HTR2C: variants seen among roughly 807,000 people sequenced by gnomAD.
The protein encoded by HTR2C is 5-hydroxytryptamine receptor 2C.
In HTR2C, 5 loss-of-function variants were observed where a neutral mutation model predicts 21.0. The observed-to-expected ratio is 0.24, with a 90% CI of 0.12 to 0.50. The LOEUF is 0.50. Among genes scored for constraint, HTR2C ranks in the 20% least tolerant of loss-of-function variants. The pLI is 0.98. For synonymous variants in HTR2C, 150 were observed against 145.3 expected, an observed-to-expected ratio of 1.03 and a Z score of -0.23; for missense variants, 271 against 371.2, an observed-to-expected ratio of 0.73 and a Z score of 2.22.
intron 2 of HTR2C, among the ~76,000 whole-genome samples, chrX:114,653,886 T>C (rs1410541348): frequency 3.6e-5 from 4 of 111,032 alleles, no homozygotes; most frequent in African/African-American, 1.3e-4. Flanking sequence ...ACATAGTGCA[T>C]ACTAAAATAA....
intron 4 of HTR2C, among the ~76,000 whole-genome samples, chrX:114,828,365 C>G (rs1198654695): frequency 2.7e-5 from 3 of 111,249 alleles, no homozygotes; most frequent in Non-Finnish European, 5.7e-5. Flanking sequence ...CCTTCCTTCA[C>G]TGAGCATGAT....
At chrX:114,698,975 C>T (rs58312746) in intron 2 of HTR2C, among the ~76,000 whole-genome samples, 2,876 of 111,311 alleles carry the variant, frequency 0.026, 100 homozygotes, top group African/African-American at 0.087. Context: ...GATAGTCACT[C>T]GACGGCAGCT....
chrX:114,757,421 A>G (rs1258580293), intron 4 of HTR2C, among the ~76,000 whole-genome samples: 1 of 111,950 alleles, frequency 8.9e-6, no homozygotes, highest in Non-Finnish European at 1.9e-5. Context: ...CAAAAACATA[A>G]TGAAACAAAC....
intron 1 of HTR2C, among the ~76,000 whole-genome samples, chrX:114,594,245 A>AT (rs2147789319): frequency 1.8e-5 from 2 of 111,510 alleles, no homozygotes; most frequent in South Asian, 7.4e-4. Context: ...TCTAATATAT[A>AT]AAAAAATGAA....
At chrX:114,831,186 G>A (rs1353563064) in intron 4 of HTR2C, among the ~76,000 whole-genome samples, 3 of 98,535 alleles carry the variant, frequency 3.0e-5, no homozygotes, top group African/African-American at 1.1e-4. Flanking sequence ...ATAGCAGCAT[G>A]ATTTAGAGTT....
intron 4 of HTR2C, among the ~76,000 whole-genome samples, chrX:114,841,858 C>T (rs1212932182): frequency 8.9e-6 from 1 of 112,420 alleles, no homozygotes; most frequent in African/African-American, 3.2e-5. Context: ...CATCTGGTAA[C>T]TGTTAAAAGT....
chrX:114,759,703 G>T (rs1447199925), intron 4 of HTR2C, among the ~76,000 whole-genome samples: 2 of 110,654 alleles, frequency 1.8e-5, no homozygotes, highest in Non-Finnish European at 3.8e-5. Flanking sequence ...TTGTTTTTTT[G>T]GATTTTAAGT....
intron 2 of HTR2C, among the ~76,000 whole-genome samples, chrX:114,688,904 G>C (rs1342630971): frequency 2.7e-5 from 3 of 109,377 alleles, no homozygotes; most frequent in African/African-American, 1.0e-4. Flanking sequence ...TTCTTTACTG[G>C]TGATTTCTGA....
chrX:114,614,071 G>GA (rs1217072844), intron 2 of HTR2C, among the ~76,000 whole-genome samples, 190 bp downstream of exon 2: 3,374 of 102,666 alleles, frequency 0.033, 146 homozygotes, highest in African/African-American at 0.11. Flanking sequence ...AATGCAACCT[G>GA]AAAAAAAAAA....
chrX:114,852,107 C>T (rs1264671192), intron 5 of HTR2C, among the ~76,000 whole-genome samples: 1 of 110,840 alleles, frequency 9.0e-6, no homozygotes, highest in Admixed American at 9.7e-5. Context: ...AATTTCATTG[C>T]AATTTTATCT....
intron 2 of HTR2C, among the ~76,000 whole-genome samples, chrX:114,685,956 T>C (rs1357848683): frequency 3.6e-5 from 4 of 111,294 alleles, no homozygotes; most frequent in African/African-American, 1.3e-4. Context: ...TTAGGGAAAT[T>C]GGCCTGATCA....
At chrX:114,736,089 G>C (rs1332097503) in intron 4 of HTR2C, among the ~76,000 whole-genome samples, 1 of 109,618 alleles carries the variant, frequency 9.1e-6, no homozygotes, top group Non-Finnish European at 1.9e-5. Flanking sequence ...CTCCAGCCTG[G>C]GCGGCAGAGC....
chrX:114,610,806 TGA>T (rs1928693442), intron 1 of HTR2C, among the ~76,000 whole-genome samples: 2 of 110,279 alleles, frequency 1.8e-5, no homozygotes, highest in South Asian at 7.4e-4. Context: ...TATAATTAGC[TGA>T]GAGGAAAAAA....
At chrX:114,791,097 T>C (rs2070227501) in intron 4 of HTR2C, among the ~76,000 whole-genome samples, 1 of 112,635 alleles carries the variant, frequency 8.9e-6, no homozygotes, top group African/African-American at 3.2e-5. Context: ...TGAATAAATA[T>C]GGCTTTCTGA....
At chrX:114,871,005 G>T (rs782120674) in intron 5 of HTR2C, among the ~76,000 whole-genome samples, 21 of 110,527 alleles carry the variant, frequency 1.9e-4, no homozygotes, top group Non-Finnish European at 3.6e-4. Context: ...AGTTCTTTAA[G>T]ATGCATTGTT....
At chrX:114,707,716 TTAAG>T (rs1305170694) in intron 2 of HTR2C, among the ~76,000 whole-genome samples, 1 of 110,997 alleles carries the variant, frequency 9.0e-6, no homozygotes, top group Non-Finnish European at 1.9e-5. Context: ...AATTTATGAC[TTAAG>T]TAAGTGACTT....
chrX:114,705,261 A>G (rs202080073), intron 2 of HTR2C, among the ~76,000 whole-genome samples: 62 of 111,375 alleles, frequency 5.6e-4, no homozygotes, highest in Middle Eastern at 4.7e-3. Context: ...TCAATCCTAA[A>G]CCAAAAGAAC....
At chrX:114,594,098 A>T (rs1428927363) in intron 1 of HTR2C, among the ~76,000 whole-genome samples, 1 of 111,845 alleles carries the variant, frequency 8.9e-6, no homozygotes, top group Admixed American at 9.5e-5. Flanking sequence ...AATAAGTAAC[A>T]TTCATTTTAG....
At chrX:114,652,614 C>G (rs1930619643) in intron 2 of HTR2C, 1 of 361,818 alleles carries the variant, frequency 2.8e-6, no homozygotes, top group African/African-American at 2.7e-5. Context: ...AATATCATAA[C>G]ATATTCAACA....
Sources: allele counts gnomAD v4.1 joint callset (sites outside exome capture counted in the v4.1 genomes callset), GRCh38; gene constraint gnomAD v4.1.1; transcripts MANE v1.5; gene names NCBI Gene and HGNC (gene_info 2026-07-23, HGNC 2026-07-21).